RREB1: variants seen among roughly 807,000 people sequenced by gnomAD.
The protein encoded by RREB1 is ras responsive element binding protein 1.
In RREB1, 27 loss-of-function variants were observed where a neutral mutation model predicts 117.8. The observed-to-expected ratio is 0.23, with a 90% CI of 0.17 to 0.32. RREB1 has a LOEUF of 0.32. Ranked by LOEUF, RREB1 falls within the 10% of genes least tolerant of loss-of-function variation. The pLI, the probability that RREB1 is intolerant of heterozygous loss-of-function variation, is 1.00. For synonymous variants in RREB1, 1,298 were observed against 1,026.7 expected, an observed-to-expected ratio of 1.26 and a Z score of -5.05; for missense variants, 2,577 against 2,378.2, an observed-to-expected ratio of 1.08 and a Z score of -1.74.
intron 6 of RREB1, among the ~76,000 whole-genome samples, chr6:7,199,438 G>C (rs1423790075): frequency 6.6e-6 from 1 of 152,118 alleles, no homozygotes; most frequent in Non-Finnish European, 1.5e-5. Context: ...TGAGAAAATA[G>C]ACTCCCAGCT....
intron 6 of RREB1, among the ~76,000 whole-genome samples, chr6:7,206,304 T>C (rs907430832): frequency 4.6e-5 from 7 of 152,250 alleles, no homozygotes; most frequent in African/African-American, 1.7e-4. Flanking sequence ...GTGGCACTGT[T>C]CATAATCTCG....
intron 1 of RREB1, among the ~76,000 whole-genome samples, chr6:7,111,074 T>TA (rs1429387474): frequency 1.3e-5 from 2 of 152,228 alleles, no homozygotes; most frequent in Non-Finnish European, 2.9e-5. Flanking sequence ...TCCCAAGGCC[T>TA]TATTTGTATC....
chr6:7,143,788 A>C (rs959070900), intron 1 of RREB1, among the ~76,000 whole-genome samples: 1 of 151,424 alleles, frequency 6.6e-6, no homozygotes, highest in Non-Finnish European at 1.5e-5. Context: ...TGTTAGATAC[A>C]ACTGGCCTCT....
intron 1 of RREB1, among the ~76,000 whole-genome samples, chr6:7,127,092 A>G (rs1454455260): frequency 6.6e-6 from 1 of 152,170 alleles, no homozygotes; most frequent in East Asian, 1.9e-4. Context: ...GGGTAGGGCA[A>G]AAAGTGGAAT....
At chr6:7,195,526 C>T (rs1324667668) in intron 6 of RREB1, among the ~76,000 whole-genome samples, 1 of 152,166 alleles carries the variant, frequency 6.6e-6, no homozygotes, top group African/African-American at 2.4e-5. Context: ...CAGAACTGCC[C>T]TGGGATGTGT....
intron 1 of RREB1, among the ~76,000 whole-genome samples, chr6:7,133,154 T>C (rs1762222808): frequency 2.0e-5 from 3 of 152,194 alleles, no homozygotes; most frequent in Admixed American, 6.5e-5. Flanking sequence ...GGTTCGTTTC[T>C]TTTCCTTATA....
intron 11 of RREB1, among the ~76,000 whole-genome samples, chr6:7,244,337 C>T (rs766350299): frequency 3.3e-5 from 5 of 151,936 alleles, no homozygotes; most frequent in Non-Finnish European, 5.9e-5. Context: ...CTTTGGGAGG[C>T]CAAGGCAGGA....
At position 7,248,734 on chromosome 6, in the gene RREB1, C is replaced by T. The variant is rs753979820; in HGVS notation, c.4995C>T (p.Asn1665=). Residue 1665 remains asparagine (N), a synonymous_variant, in exon 13 of 13, where the codon AAC becomes AAT. Transcript: ENST00000379938. ...CTGAGCTGGCTCCCAATGCCAGCAA[C>T]CACATGGCTGTCACCCGGAGCCGGA... The part of the protein sequence containing the change: ...NEAELAPNAS[N]HMAVTRSRKE... 2 of 1,614,170 alleles carry T rather than the reference C, an allele frequency of 1.2e-6. No individual in the cohort carries two copies. The highest frequency in any genetic ancestry group is 2.2e-5 in the South Asian group (2 of 91,092).
intron 8 of RREB1, among the ~76,000 whole-genome samples, chr6:7,221,228 G>A (rs1767230388): frequency 6.6e-6 from 1 of 151,964 alleles, no homozygotes; most frequent in Non-Finnish European, 1.5e-5. Context: ...GACTGCAGTG[G>A]CGCAATCTCG....
chr6:7,211,053 A>G, intron 7 of RREB1, 105 bp downstream of exon 7: 1 of 1,159,614 alleles, frequency 8.6e-7, no homozygotes, highest in Non-Finnish European at 1.2e-6. Context: ...CATACATCCT[A>G]AGCTCTTAAC....
At chr6:7,238,492 C>T (rs559589097) in intron 10 of RREB1, among the ~76,000 whole-genome samples, 8 of 152,362 alleles carry the variant, frequency 5.3e-5, no homozygotes, top group African/African-American at 1.9e-4. Flanking sequence ...TCACCTTGGC[C>T]TCCCACAGTG....
chr6:7,181,830 A>G (rs992353201), intron 3 of RREB1, 40 bp from the exon 4 acceptor site: 3 of 1,471,526 alleles, frequency 2.0e-6, no homozygotes, highest in East Asian at 4.5e-5. Context: ...ACAGAAGCCT[A>G]AACTTCCCCA....
chr6:7,147,831 C>T (rs1384915825), intron 1 of RREB1, among the ~76,000 whole-genome samples: 1 of 151,576 alleles, frequency 6.6e-6, no homozygotes, highest in Non-Finnish European at 1.5e-5. Flanking sequence ...TTAAAACTTC[C>T]TCAGAAACAT....
At chr6:7,172,533 C>T (rs1764265690) in intron 1 of RREB1, among the ~76,000 whole-genome samples, 1 of 152,272 alleles carries the variant, frequency 6.6e-6, no homozygotes, top group South Asian at 2.1e-4. Flanking sequence ...TAGGCATGAG[C>T]CACCATGCCC....
chr6:7,143,107 T>C (rs1232417905), intron 1 of RREB1, among the ~76,000 whole-genome samples: 2 of 152,102 alleles, frequency 1.3e-5, no homozygotes, highest in African/African-American at 4.8e-5. Flanking sequence ...GCTAAAAGGG[T>C]TAGGAAATGA....
At chr6:7,215,689 G>A (rs1766857700) in intron 8 of RREB1, 1 of 152,196 alleles carries the variant, frequency 6.6e-6, no homozygotes, top group Non-Finnish European at 1.5e-5. Flanking sequence ...AATGAATAAT[G>A]CTTCATCGAG....
At chr6:7,214,935 T>G (rs1344533825) in intron 8 of RREB1, 3 of 152,256 alleles carry the variant, frequency 2.0e-5, no homozygotes, top group Non-Finnish European at 4.4e-5. Context: ...AATGAAGTGT[T>G]GTCGTAGAAC....
intron 1 of RREB1, among the ~76,000 whole-genome samples, chr6:7,118,883 A>G (rs989389219): frequency 3.0e-5 from 4 of 131,492 alleles, no homozygotes; most frequent in South Asian, 2.5e-4. Flanking sequence ...TGCTGACCTC[A>G]GGTGGTGCAC....
chr6:7,130,642 A>T (rs533895253), intron 1 of RREB1, among the ~76,000 whole-genome samples: 8 of 148,296 alleles, frequency 5.4e-5, no homozygotes, highest in Non-Finnish European at 1.2e-4. Flanking sequence ...TTCGAGATGG[A>T]GTCTTGCTCT....
Sources: gnomAD v4.1 joint callset for allele counts (sites outside exome capture counted in the v4.1 genomes callset) on GRCh38, gnomAD v4.1.1 for gene constraint, MANE v1.5 for transcripts, NCBI Gene and HGNC (gene_info 2026-07-23, HGNC 2026-07-21) for gene names.